The following ACACB variants were observed in gnomAD, a reference collection of about 807,000 sequenced individuals.
The protein encoded by ACACB is acetyl-CoA carboxylase 2.
ACACB carries 209 observed loss-of-function variants against 278.8 expected under a neutral mutation model. The observed-to-expected ratio is 0.75, with a 90% CI of 0.67 to 0.84. The LOEUF is 0.84. Among genes scored for constraint, ACACB ranks in the 40% least tolerant of loss-of-function variants. The probability of loss-of-function intolerance (pLI) is 0.00; values close to 1 mark genes in which losing one functional copy is unlikely to be tolerated. For missense variants in ACACB, 2,850 were observed against 3,269.0 expected (o/e 0.87, Z 3.13); for synonymous variants, 1,174 against 1,285.6 (o/e 0.91, Z 1.86).
rs1038655605 is a variant in ACACB at position 109,254,099 on chromosome 12, G to A, written c.6046-115G>A. On this transcript the variant is annotated intron_variant, in intron 43 of 52. Transcript: ENST00000338432. ...GAGCAGTGGCTTCAGGAGCCCTAGGGAGGGGATATTGCTGCATAACCAGGC... is the reference window on the plus strand; with the variant it reads ...GAGCAGTGGCTTCAGGAGCCCTAGGAAGGGGATATTGCTGCATAACCAGGC... The A allele has an allele frequency of 1.0e-4, 133 of 1,275,286 alleles. No individual in the cohort carries two copies. The African/African-American group carries it at 1.6e-3, about 15-fold the overall frequency. 79.0% of individuals were successfully genotyped at this position (1,275,286 alleles called of 1,614,324 possible). A position where few individuals can be genotyped will look rare whatever the true frequency, so the allele number is the denominator to read the frequency against.
rs745482115 is a variant in ACACB at position 109,179,176 on chromosome 12, A to G, written c.1526A>G (p.Gln509Arg). 1.2e-6 allele frequency: 2 copies of G among 1,614,124 alleles called. No homozygotes were observed. Among genetic ancestry groups the G allele is most frequent in the Non-Finnish European group, 1.7e-6 (2 of 1,180,002 alleles). ...RHLEVQILAD[Q>R]YGNAVSLFGR... ...CTGGAAGTTCAGATCCTCGCTGACC[A>G]GTATGGGAATGCTGTGTCTCTGTTT... Residue 509 changes from glutamine to arginine, a missense_variant, in exon 10 of 53, where the codon CAG becomes CGG. Physicochemically the swap from Gln to Arg is conservative, Grantham distance 43. This residue lies in a region of ACACB where 2,265 missense variants were observed against 2,561.3 expected (regional missense o/e 0.88). Transcript: ENST00000338432.
intron 2 of ACACB, among the ~76,000 whole-genome samples, chr12:109,151,608 A>C (rs1001968648): frequency 6.6e-6 from 1 of 152,216 alleles, no homozygotes; most frequent in African/African-American, 2.4e-5. Flanking sequence ...GGGTAAGTTC[A>C]AGCCCATGGA....
At chr12:109,253,228 G>A (rs2047143240) in intron 43 of ACACB, 70 bp downstream of exon 43, 2 of 1,430,686 alleles carry the variant, frequency 1.4e-6, no homozygotes, top group East Asian at 4.8e-5. Flanking sequence ...TTCTGTCCCT[G>A]TCACCTCCTG....
intron 16 of ACACB, among the ~76,000 whole-genome samples, chr12:109,196,802 G>T (rs1400231569): frequency 2.0e-5 from 3 of 152,204 alleles, no homozygotes; most frequent in African/African-American, 4.8e-5. Flanking sequence ...CACAGGGCAG[G>T]TGTGGCTCGC....
At chr12:109,151,787 C>T (rs1297745786) in intron 2 of ACACB, among the ~76,000 whole-genome samples, 2 of 152,180 alleles carry the variant, frequency 1.3e-5, no homozygotes, top group African/African-American at 2.4e-5. Flanking sequence ...CAGCAACTAC[C>T]ACCATGCTTG....
chr12:109,147,811 C>T (rs896195487), intron 2 of ACACB, among the ~76,000 whole-genome samples: 1 of 151,824 alleles, frequency 6.6e-6, no homozygotes, highest in Non-Finnish European at 1.5e-5. Context: ...AATGGATGAA[C>T]GAATGGATGA....
At chr12:109,245,543 A>G (rs2046915939) in intron 37 of ACACB, 83 bp from the exon 38 acceptor site, 3 of 1,431,314 alleles carry the variant, frequency 2.1e-6, no homozygotes, top group Non-Finnish European at 2.8e-6. Flanking sequence ...CCCTGGAATC[A>G]TGACAGATCA....
At chr12:109,128,397 G>A (rs867385463) in intron 1 of ACACB, among the ~76,000 whole-genome samples, 8 of 151,962 alleles carry the variant, frequency 5.3e-5, no homozygotes, top group South Asian at 2.1e-4. Flanking sequence ...GAGTGCAATG[G>A]CACGATCTTG....
At chr12:109,226,262 C>A (rs1366561649) in intron 27 of ACACB, among the ~76,000 whole-genome samples, 2 of 151,822 alleles carry the variant, frequency 1.3e-5, no homozygotes, top group Admixed American at 6.6e-5. Flanking sequence ...TGGAGTGAGA[C>A]CCTGTCTCAA....
intron 13 of ACACB, among the ~76,000 whole-genome samples, chr12:109,188,762 T>C (rs2044761855): frequency 6.6e-6 from 1 of 152,120 alleles, no homozygotes; most frequent in African/African-American, 2.4e-5. Flanking sequence ...GGTCATTTGG[T>C]CTTGAGCTTA....
At position 109,206,849 on chromosome 12, in the gene ACACB, G is replaced by A. The variant is rs1278455426; in HGVS notation, c.3053G>A (p.Ser1018Asn). ...SGFCLPEPVF[S>N]IKLKEWVQKL... ...TTTTGTCTGCCAGAGCCCGTTTTTA[G>A]CATAAAGGTAAAGTCACCTATGAGC... Residue 1018 changes from serine (S) to asparagine (N), a missense_variant, in exon 20 of 53, where the codon AGC becomes AAC. By Grantham distance (46) the Ser-to-Asn change is conservative. This residue lies in a region of ACACB where 2,265 missense variants were observed against 2,561.3 expected (regional missense o/e 0.88). Transcript: ENST00000338432. 2 of 1,614,168 alleles carry A rather than the reference G, an allele frequency of 1.2e-6. No individual in the cohort carries two copies. The highest frequency in any genetic ancestry group is 3.3e-5 in the Admixed American group (2 of 60,014).
At position 109,216,857 on chromosome 12, in the gene ACACB, G is replaced by A; in HGVS notation, c.3501G>A (p.Val1167=). Residue 1167 remains valine, a synonymous_variant, in exon 24 of 53, where the codon GTG becomes GTA. Coordinates refer to ENST00000338432, the MANE Select transcript of ACACB (RefSeq NM_001093.4). ...AGTTCAAGCCAGACATGTCCCAGGTGCTGGACTGCATCTTCTCCCACGCAC... is the reference window on the plus strand; with the variant it reads ...AGTTCAAGCCAGACATGTCCCAGGTACTGGACTGCATCTTCTCCCACGCAC... ...REQFKPDMSQ[V]LDCIFSHAQV... 6.2e-7 allele frequency: 1 copy of A among 1,614,148 alleles called. No homozygotes were observed. Among genetic ancestry groups the A allele is most frequent in the Non-Finnish European group, 8.5e-7 (1 of 1,180,026 alleles).
intron 1 of ACACB, among the ~76,000 whole-genome samples, chr12:109,124,191 A>G (rs1390805966): frequency 6.6e-6 from 1 of 152,018 alleles, no homozygotes; most frequent in Non-Finnish European, 1.5e-5. Flanking sequence ...GATGTCTTTG[A>G]ATGGTTTTAT....
At chr12:109,164,827 C>A (rs183824894) in intron 2 of ACACB, among the ~76,000 whole-genome samples, 1 of 131,280 alleles carries the variant, frequency 7.6e-6, no homozygotes, top group East Asian at 2.0e-4. Flanking sequence ...AAGCAATTCT[C>A]CCTCCTCGGC....
chr12:109,249,771 G>A (rs975225824), intron 40 of ACACB: 5 of 458,296 alleles, frequency 1.1e-5, no homozygotes, highest in South Asian at 3.5e-5. Context: ...GGATTACAGA[G>A]CAGGGTGATG....
intron 6 of ACACB, among the ~76,000 whole-genome samples, chr12:109,172,997 C>T (rs56358165): frequency 0.012 from 1,808 of 152,232 alleles, 17 homozygotes; most frequent in Non-Finnish European, 0.018. Flanking sequence ...ATCAAAAATA[C>T]TGAGATTATG....
At chr12:109,237,436 C>T in intron 34 of ACACB, 56 bp downstream of exon 34, 1 of 1,521,074 alleles carries the variant, frequency 6.6e-7, no homozygotes, top group Non-Finnish European at 8.9e-7. Flanking sequence ...CCCTTCCTTA[C>T]ATTCCTGCTC....
At chr12:109,130,208 C>T (rs899401740) in intron 1 of ACACB, among the ~76,000 whole-genome samples, 1 of 152,202 alleles carries the variant, frequency 6.6e-6, no homozygotes, top group Non-Finnish European at 1.5e-5. Context: ...GCATCCAGCA[C>T]TGCACTCAGT....
chr12:109,114,936 T>C (rs1434001565), upstream of ACACB, among the ~76,000 whole-genome samples: 1 of 152,164 alleles, frequency 6.6e-6, no homozygotes, highest in African/African-American at 2.4e-5. Flanking sequence ...AAGAAATATA[T>C]TTCTATTACC....
Sources: allele counts gnomAD v4.1 joint callset (sites outside exome capture counted in the v4.1 genomes callset), GRCh38; gene constraint gnomAD v4.1.1; regional missense constraint gnomAD v4.1.1; transcripts MANE v1.5; gene names NCBI Gene and HGNC (gene_info 2026-07-23, HGNC 2026-07-21).